Variants in ADAM12 observed in about 807,000 individuals in gnomAD.
ADAM12 encodes the protein ADAM metallopeptidase domain 12.
In ADAM12, 70 loss-of-function variants were observed where a neutral mutation model predicts 106.4. The observed-to-expected ratio is 0.66, with a 90% CI of 0.54 to 0.80. The LOEUF is 0.80. Among genes scored for constraint, ADAM12 ranks in the 30% least tolerant of loss-of-function variants. ADAM12 has a pLI of 0.00. For synonymous variants in ADAM12, 420 were observed against 433.5 expected, an observed-to-expected ratio of 0.97 and a Z score of 0.39; for missense variants, 1,010 against 1,171.9, an observed-to-expected ratio of 0.86 and a Z score of 2.02.
intron 1 of ADAM12, among the ~76,000 whole-genome samples, chr10:126,342,795 T>C (rs889549355): frequency 6.6e-6 from 1 of 152,180 alleles, no homozygotes; most frequent in African/African-American, 2.4e-5. Flanking sequence ...TTCATTTCTC[T>C]GCAAGATGAG....
intron 3 of ADAM12, among the ~76,000 whole-genome samples, chr10:126,159,161 T>A (rs111712078): frequency 6.6e-6 from 1 of 151,816 alleles, no homozygotes. Context: ...TACAAAAAAA[T>A]TAGCCGGGCA....
intron 3 of ADAM12, among the ~76,000 whole-genome samples, chr10:126,196,697 A>G (rs1957602525): frequency 6.6e-6 from 1 of 152,182 alleles, no homozygotes; most frequent in African/African-American, 2.4e-5. Flanking sequence ...CGTGCTCAGA[A>G]ATAAATTTGT....
chr10:126,316,890 T>G (rs1853897315), intron 2 of ADAM12, among the ~76,000 whole-genome samples: 1 of 152,112 alleles, frequency 6.6e-6, no homozygotes, highest in South Asian at 2.1e-4. Context: ...AAATACATTT[T>G]AAGAGGTATA....
intron 3 of ADAM12, among the ~76,000 whole-genome samples, chr10:126,237,951 G>A (rs1958450628): frequency 6.6e-6 from 1 of 152,196 alleles, no homozygotes; most frequent in South Asian, 2.1e-4. Context: ...CACACCGTTT[G>A]TTGAATTTAG....
At chr10:126,267,360 G>A (rs1020261257) in intron 3 of ADAM12, among the ~76,000 whole-genome samples, 3 of 152,120 alleles carry the variant, frequency 2.0e-5, no homozygotes, top group African/African-American at 4.8e-5. Flanking sequence ...CATTTATTGT[G>A]TACTTTATTT....
Position 126,388,293 on chromosome 10 carries a change from G to T in ADAM12, c.-148C>A. The T allele has an allele frequency of 9.0e-7, 1 of 1,113,442 alleles. No homozygotes were observed. The highest frequency in any genetic ancestry group is 1.1e-6 in the Non-Finnish European group (1 of 894,356). 69.0% of individuals were successfully genotyped at this position (1,113,442 alleles called of 1,614,324 possible). A position where few individuals can be genotyped will look rare whatever the true frequency, so the allele number is the denominator to read the frequency against. On this transcript the variant is annotated 5_prime_UTR_variant, in exon 1 of 23. Coordinates refer to ENST00000448723, the MANE Select transcript of ADAM12 (RefSeq NM_001288973.2). This position sits in a 1 kb window ranked among gnomAD's most constrained non-coding sequence, Gnocchi z 4.4. ...TCCGGAGCCCTCGCGCAGCGCCCGC[G>T]CCGCCGCTGAGCTCTTCTAGCCTTT...
intron 3 of ADAM12, among the ~76,000 whole-genome samples, chr10:126,222,243 C>T (rs1958108677): frequency 2.0e-5 from 3 of 151,982 alleles, no homozygotes; most frequent in Non-Finnish European, 2.9e-5. Flanking sequence ...AGAGAGGACG[C>T]TGGGTTAGAA....
chr10:126,036,940 T>C (rs61423919), intron 20 of ADAM12, among the ~76,000 whole-genome samples: 6,934 of 152,282 alleles, frequency 0.046, 551 homozygotes, highest in African/African-American at 0.16. Flanking sequence ...TTTTTTGACG[T>C]GTTTACACCC....
chr10:126,104,286 C>A (rs538486733), intron 8 of ADAM12, among the ~76,000 whole-genome samples: 1 of 151,926 alleles, frequency 6.6e-6, no homozygotes, highest in South Asian at 2.1e-4. Context: ...TCCATCTCTA[C>A]TAAAAATACA....
At position 126,118,243 on chromosome 10, in the gene ADAM12, GA is replaced by G; in HGVS notation, c.417-20del. On this transcript the variant is annotated intron_variant, in intron 5 of 22. Transcript: ENST00000448723. ...AAGTCCCCTGTTGAAAAAGAAACAA[GA>G]AAAAATATATAATTTTAAGGACAGC... The G allele has an allele frequency of 6.3e-7, 1 of 1,581,958 alleles. No homozygotes were observed. The highest frequency in any genetic ancestry group is 8.6e-7 in the Non-Finnish European group (1 of 1,157,122).
chr10:126,138,342 T>C lies in ADAM12; in HGVS notation c.340-2682A>G, dbSNP rs554208891. On this transcript the variant is annotated intron_variant, in intron 4 of 22. Coordinates refer to ENST00000448723, the MANE Select transcript of ADAM12 (RefSeq NM_001288973.2). ...ATTTACAGATTTTTTTCCCATTTTATGGGTTGTCCTTTTACTTTCTTAATT... is the reference window on the plus strand; with the variant it reads ...ATTTACAGATTTTTTTCCCATTTTACGGGTTGTCCTTTTACTTTCTTAATT... Among the ~76,000 whole-genome samples, 13 of 152,280 alleles carry C rather than the reference T, an allele frequency of 8.5e-5. No individual in the cohort carries two copies. The South Asian group carries it at 2.7e-3, about 32-fold the overall frequency.
At position 126,066,875 on chromosome 10, in the gene ADAM12, C is replaced by T; in HGVS notation, c.1324-69G>A. 1 of 1,449,950 alleles carries T rather than the reference C, an allele frequency of 6.9e-7. No individual in the cohort carries two copies. Among genetic ancestry groups the T allele is most frequent in the Non-Finnish European group, 9.6e-7 (1 of 1,039,206 alleles). 89.8% of individuals were successfully genotyped at this position (1,449,950 alleles called of 1,614,324 possible). On this transcript the variant is annotated intron_variant, in intron 12 of 22. Coordinates refer to ENST00000448723, the MANE Select transcript of ADAM12 (RefSeq NM_001288973.2). This position sits in a 1 kb window ranked among gnomAD's most constrained non-coding sequence, Gnocchi z 5.1. Reference sequence around the variant, plus strand: ...ATGCACTCACTGAATGCAAACATCACACCTTAAATGGCTGCAAAAAGCAAG... The same window carrying T: ...ATGCACTCACTGAATGCAAACATCATACCTTAAATGGCTGCAAAAAGCAAG...
chr10:126,364,417 A>C (rs1855843940), intron 1 of ADAM12, among the ~76,000 whole-genome samples: 1 of 152,228 alleles, frequency 6.6e-6, no homozygotes, highest in South Asian at 2.1e-4. Flanking sequence ...TAGGAAACCC[A>C]AGAAAGTCAA....
chr10:126,106,341 T>TTA (rs1955766987), intron 8 of ADAM12, among the ~76,000 whole-genome samples: 1 of 152,154 alleles, frequency 6.6e-6, no homozygotes, highest in Non-Finnish European at 1.5e-5. Context: ...TGCAAAGCAC[T>TTA]TAGAGCCCGG....
rs1482740451 is a variant in ADAM12 at position 126,129,512 on chromosome 10, G to A, written c.416+6072C>T. Among the ~76,000 whole-genome samples, 3 of 152,196 alleles carry A rather than the reference G, an allele frequency of 2.0e-5. No individual in the cohort carries two copies. In the East Asian group the frequency reaches 5.8e-4, roughly 29 times the overall value. On this transcript the variant is annotated intron_variant, in intron 5 of 22. Coordinates refer to ENST00000448723, the MANE Select transcript of ADAM12 (RefSeq NM_001288973.2). The stretch of plus-strand genomic sequence containing the variant: ...GACAGTTTGATGTCTGTGCCCTGCA[G>A]AGTTGCAGATTATCTGAAGCTCATG...
At chr10:126,351,649 G>A (rs1311955914) in intron 1 of ADAM12, among the ~76,000 whole-genome samples, 1 of 152,094 alleles carries the variant, frequency 6.6e-6, no homozygotes, top group Admixed American at 6.5e-5. Context: ...GAAGGGGGAG[G>A]TCCAGAAGCC....
At chr10:126,077,554 C>A (rs1295758762) in intron 11 of ADAM12, among the ~76,000 whole-genome samples, 1 of 152,018 alleles carries the variant, frequency 6.6e-6, no homozygotes, top group Non-Finnish European at 1.5e-5. Context: ...ACACATAGAC[C>A]AATGGAACAG....
chr10:126,126,002 C>A (rs1956200414), intron 5 of ADAM12, among the ~76,000 whole-genome samples: 1 of 152,074 alleles, frequency 6.6e-6, no homozygotes, highest in South Asian at 2.1e-4. Context: ...AAGAAACCAA[C>A]CCTGCTGACC....
intron 5 of ADAM12, among the ~76,000 whole-genome samples, chr10:126,120,947 GTAATA>G (rs1405518140): frequency 1.5e-5 from 2 of 132,152 alleles, no homozygotes; most frequent in African/African-American, 5.7e-5. Flanking sequence ...TATTACATAT[GTAATA>G]TAATATATAT....
Sources: gnomAD v4.1 joint callset for allele counts (sites outside exome capture counted in the v4.1 genomes callset) on GRCh38, gnomAD v4.1.1 for gene constraint, Gnocchi (gnomAD v3.1) non-coding constraint, MANE v1.5 for transcripts, NCBI Gene and HGNC (gene_info 2026-07-23, HGNC 2026-07-21) for gene names.